Variants in PKD2 observed in about 807,000 individuals in gnomAD.
PKD2 encodes the protein polycystin 2, transient receptor potential cation channel.
A neutral mutation model predicts 105.9 loss-of-function variants in PKD2; 48 were observed. The observed-to-expected ratio is 0.45, with a 90% CI of 0.36 to 0.58. PKD2 has a LOEUF of 0.58. PKD2 is among the 20% of genes least tolerant of loss of function. The pLI is 0.00. For synonymous variants in PKD2, 464 were observed against 481.1 expected (o/e 0.96, Z 0.46); for missense variants, 1,078 against 1,255.3 (o/e 0.86, Z 2.13).
In PKD2 at chr4:88,075,487, CCATAGGGAA is replaced by C; in HGVS notation, c.2703_2711del (p.His901_Glu903del). On this transcript the variant is annotated inframe_deletion, in exon 15 of 15. Coordinates refer to ENST00000237596, the MANE Select transcript of PKD2 (RefSeq NM_000297.4). ...AAAGGCTGGGTCGTGACAGTGAAAT[CCATAGGGAA>C]CAGATGGAACGGCTAGTACGTGAAG... The C allele has an allele frequency of 6.2e-7, 1 of 1,614,058 alleles. No individual in the cohort carries two copies. The highest frequency in any genetic ancestry group is 8.5e-7 in the Non-Finnish European group (1 of 1,179,928).
chr4:88,074,016 A>AT (rs1721134697), intron 13 of PKD2, among the ~76,000 whole-genome samples: 1 of 152,200 alleles, frequency 6.6e-6, no homozygotes, highest in African/African-American at 2.4e-5. Flanking sequence ...TATTTAATAT[A>AT]TTGTAAATCT....
intron 1 of PKD2, among the ~76,000 whole-genome samples, chr4:88,017,181 G>A (rs112916126): frequency 2.0e-5 from 3 of 151,922 alleles, no homozygotes; most frequent in Admixed American, 1.3e-4. Flanking sequence ...AAAATGAGGC[G>A]GAAGGATGGC....
At chr4:88,024,384 G>A (rs1726872877) in intron 2 of PKD2, among the ~76,000 whole-genome samples, 2 of 144,826 alleles carry the variant, frequency 1.4e-5, no homozygotes, top group South Asian at 4.4e-4. Flanking sequence ...TTGAACCTGG[G>A]AAGCAGAGGT....
chr4:88,053,528 G>A lies in PKD2; in HGVS notation c.1716+1370G>A, dbSNP rs149373204. ...AAAAATTAGCTGGGGGTGGTGGCACGTGCCTGTAGTCCTAGCTACTTAGGA... is the reference window on the plus strand; with the variant it reads ...AAAAATTAGCTGGGGGTGGTGGCACATGCCTGTAGTCCTAGCTACTTAGGA... On this transcript the variant is annotated intron_variant, in intron 7 of 14. Transcript: ENST00000237596. Among the ~76,000 whole-genome samples the A allele has an allele frequency of 6.6e-5, 10 of 151,874 alleles. 1 individual carries two copies. Among genetic ancestry groups the A allele is most frequent in the South Asian group, 4.1e-4 (2 of 4,820 alleles).
rs561717757 is a variant in PKD2, at chr4:88,022,097, A to C, written c.709+2526A>C. ...ATGAGGCTGTTTCATCATATAAATA[A>C]TTCCTTAGTCTCTTCACCAAAAACT... On this transcript the variant is annotated intron_variant, in intron 2 of 14. Transcript: ENST00000237596. 2.6e-5 allele frequency among the ~76,000 whole-genome samples: 4 copies of C among 152,270 alleles called. No homozygotes were observed. In the South Asian group the frequency reaches 8.3e-4, roughly 32 times the overall value.
At chr4:88,028,956 T>A (rs1578124527) in intron 2 of PKD2, among the ~76,000 whole-genome samples, 1 of 152,208 alleles carries the variant, frequency 6.6e-6, no homozygotes, top group East Asian at 1.9e-4. Flanking sequence ...CCTTAAAGAT[T>A]TTCCTCACAA....
At position 88,025,628 on chromosome 4, in the gene PKD2, G is replaced by T. The variant is rs538330153; in HGVS notation, c.709+6057G>T. Among the ~76,000 whole-genome samples, 359 of 149,144 alleles carry T rather than the reference G, an allele frequency of 2.4e-3. 3 individuals carry two copies. The highest frequency in any genetic ancestry group is 8.5e-3 in the African/African-American group (345 of 40,552). Reference sequence around the variant, plus strand: ...GACCCTGTCTCAAAAAAAAAAAAAAGAAAAGAAAAGAAAAATAAATAAAAT... The same window carrying T: ...GACCCTGTCTCAAAAAAAAAAAAAATAAAAGAAAAGAAAAATAAATAAAAT... On this transcript the variant is annotated intron_variant, in intron 2 of 14. Coordinates refer to ENST00000237596, the MANE Select transcript of PKD2 (RefSeq NM_000297.4).
intron 6 of PKD2, among the ~76,000 whole-genome samples, chr4:88,048,663 C>A (rs1478451021): frequency 6.6e-6 from 1 of 152,062 alleles, no homozygotes; most frequent in Non-Finnish European, 1.5e-5. Context: ...GTAAAAATTC[C>A]TGTAGAATAG....
At chr4:88,060,544 A>G (rs1034932425) in intron 9 of PKD2, among the ~76,000 whole-genome samples, 1 of 152,002 alleles carries the variant, frequency 6.6e-6, no homozygotes, top group Non-Finnish European at 1.5e-5. Flanking sequence ...GTACTGGGGT[A>G]AGGAAAACAG....
rs146396414 is a variant in PKD2 at position 88,058,044 on chromosome 4, C to T, written c.1960C>T (p.Arg654Ter). ...CTTTGCAGAGATTGAGGAAGCTAATCGAGTTTTGGGACCAATTTATTTCAC... is the reference window on the plus strand; with the variant it reads ...CTTTGCAGAGATTGAGGAAGCTAATTGAGTTTTGGGACCAATTTATTTCAC... ...INFAEIEEAN[R>*]VLGPIYFTTF... is the part of the protein sequence containing the mutation. Residue 654 changes from arginine to a stop codon, truncating the protein, a stop_gained, in exon 9 of 15, where the codon CGA (arginine) becomes TGA (stop). Transcript: ENST00000237596. LOFTEE classifies it high-confidence loss of function. The T allele has an allele frequency of 6.4e-7, 1 of 1,563,034 alleles. No homozygotes were observed. The highest frequency in any genetic ancestry group is 8.8e-7 in the Non-Finnish European group (1 of 1,133,660).
Position 88,070,934 on chromosome 4 carries a change from C to T in PKD2, c.2522+2873C>T, listed in dbSNP as rs139620258. 1.4e-3 allele frequency among the ~76,000 whole-genome samples: 206 copies of T among 151,896 alleles called. 2 individuals carry two copies. The highest frequency in any genetic ancestry group is 4.7e-3 in the African/African-American group (193 of 41,442). On this transcript the variant is annotated intron_variant, in intron 13 of 14. Transcript: ENST00000237596. ...ACAGGTATGAGCCACCGCACTTAGC[C>T]TGAATTTTTTATTTATTATACTTTT...
chr4:88,023,924 C>G (rs1726857062), intron 2 of PKD2, among the ~76,000 whole-genome samples: 1 of 152,064 alleles, frequency 6.6e-6, no homozygotes, highest in South Asian at 2.1e-4. Context: ...GGTTATGTGC[C>G]CTGTGTTTTT....
At position 88,058,549 on chromosome 4, in the gene PKD2, T is replaced by C. The variant is rs184247124; in HGVS notation, c.2019+446T>C. Among the ~76,000 whole-genome samples the C allele has an allele frequency of 5.7e-3, 863 of 152,292 alleles. 5 individuals are homozygous for C. Among genetic ancestry groups the C allele is most frequent in the South Asian group, 8.9e-3 (43 of 4,832 alleles). Reference sequence around the variant, plus strand: ...CATGACTTTTCTCTCTTTCTTCTTTTCTTTTTAAAAAATAAGAACGGAAAA... The same window carrying C: ...CATGACTTTTCTCTCTTTCTTCTTTCCTTTTTAAAAAATAAGAACGGAAAA... On this transcript the variant is annotated intron_variant, in intron 9 of 14. Coordinates refer to ENST00000237596, the MANE Select transcript of PKD2 (RefSeq NM_000297.4).
chr4:88,076,287 G>A lies in PKD2; in HGVS notation c.*593G>A, dbSNP rs1721232163. On this transcript the variant is annotated 3_prime_UTR_variant, in exon 15 of 15. Transcript: ENST00000237596. ...TGAATGTTAAATACTATGCTTTTTT[G>A]TAAGTTGATCGTATCTGATGTCTGT... 6.5e-6 allele frequency: 1 copy of A among 154,050 alleles called. No homozygotes were observed. The allele number at this position is 154,050 out of a possible 1,614,324, so 9.5% of individuals were successfully genotyped here.
At chr4:88,071,432 C>A (rs556103357) in intron 13 of PKD2, among the ~76,000 whole-genome samples, 1 of 150,696 alleles carries the variant, frequency 6.6e-6, no homozygotes, top group East Asian at 1.9e-4. Flanking sequence ...ATAATAGGTA[C>A]CTTCAGGTCT....
At position 88,007,974 on chromosome 4, in the gene PKD2, T is replaced by C. The variant is rs1310454721; in HGVS notation, c.241T>C (p.Ser81Pro). The change falls in exon 1 of 15, where the codon TCG (serine) becomes CCG (proline). Residue 81 changes from serine (S) to proline (P), a missense_variant. Physicochemically the swap from Ser to Pro is moderately conservative, Grantham distance 74. Coordinates refer to ENST00000237596, the MANE Select transcript of PKD2 (RefSeq NM_000297.4). ...AAASPSPPLS[S>P]CSRQAWSRDN... is the part of the protein sequence containing the mutation. ...GGCCTCCCCTTCTCCTCCGCTCTCGTCGTGCTCCCGGCAGGCGTGGAGCCG... is the reference window on the plus strand; with the variant it reads ...GGCCTCCCCTTCTCCTCCGCTCTCGCCGTGCTCCCGGCAGGCGTGGAGCCG... 1.3e-6 allele frequency: 2 copies of C among 1,504,138 alleles called. No homozygotes were observed. Among genetic ancestry groups the C allele is most frequent in the South Asian group, 1.2e-5 (1 of 80,964 alleles). 93.2% of individuals were successfully genotyped at this position (1,504,138 alleles called of 1,614,324 possible).
At chr4:88,008,622 A>G (rs1726277937) in intron 1 of PKD2, among the ~76,000 whole-genome samples, 1 of 151,438 alleles carries the variant, frequency 6.6e-6, no homozygotes, top group South Asian at 2.1e-4. Flanking sequence ...GTGAAAGAGT[A>G]CATCTGGGTT....
At position 88,009,246 on chromosome 4, in the gene PKD2, T is replaced by C. The variant is rs563958315; in HGVS notation, c.595+918T>C. Among the ~76,000 whole-genome samples, 3 of 152,346 alleles carry C rather than the reference T, an allele frequency of 2.0e-5. No homozygotes were observed. The South Asian group carries it at 6.2e-4, about 32-fold the overall frequency. On this transcript the variant is annotated intron_variant, in intron 1 of 14. Coordinates refer to ENST00000237596, the MANE Select transcript of PKD2 (RefSeq NM_000297.4). ...TGTCAGAGGTATCCTTGGGAAAGTA[T>C]TTCATTTGCTTTTACCCTCCAAATT...
rs976520672 is a variant in PKD2 at position 88,074,399 on chromosome 4, A to G, written c.2523-413A>G. Among the ~76,000 whole-genome samples, 6 of 152,256 alleles carry G rather than the reference A, an allele frequency of 3.9e-5. No homozygotes were observed. The East Asian group carries it at 1.2e-3, about 29-fold the overall frequency. ...GCGATCTGCACACTTCCGCCTCCCA[A>G]AATGCCAGGATTACAGGCGTGAGCC... On this transcript the variant is annotated intron_variant, in intron 13 of 14. Coordinates refer to ENST00000237596, the MANE Select transcript of PKD2 (RefSeq NM_000297.4).
Sources: allele counts gnomAD v4.1 joint callset (sites outside exome capture counted in the v4.1 genomes callset), GRCh38; gene constraint gnomAD v4.1.1; transcripts MANE v1.5; gene names NCBI Gene and HGNC (gene_info 2026-07-23, HGNC 2026-07-21).